The following TYW3 variants were observed in gnomAD, a reference collection of about 807,000 sequenced individuals.
TYW3 encodes tRNA wybutosine-synthesizing protein 3 homolog.
Under a neutral mutation model 23.1 loss-of-function variants are expected in TYW3, and 26 were observed. The observed-to-expected ratio is 1.13, with a 90% CI of 0.83 to 1.56. TYW3 has a LOEUF of 1.56. Among genes scored for constraint, TYW3 ranks in the 40% most tolerant of loss-of-function variants. TYW3 has a pLI of 0.00. For missense variants in TYW3, 316 were observed against 311.9 expected, an observed-to-expected ratio of 1.01 and a Z score of -0.10; for synonymous variants, 102 against 105.7, an observed-to-expected ratio of 0.97 and a Z score of 0.21.
chr1:74,758,694 A>T (rs1413611088), intron 5 of TYW3, among the ~76,000 whole-genome samples: 15 of 149,624 alleles, frequency 1.0e-4, no homozygotes, highest in Admixed American at 9.9e-4. Flanking sequence ...AGCCATTTTC[A>T]TGGTTCTGAT....
At chr1:74,741,597 T>G (rs1467805249) in intron 3 of TYW3, among the ~76,000 whole-genome samples, 1 of 152,218 alleles carries the variant, frequency 6.6e-6, no homozygotes, top group African/African-American at 2.4e-5. Context: ...TCTGTTCCCT[T>G]TTCTCTGTGA....
intron 5 of TYW3, among the ~76,000 whole-genome samples, chr1:74,756,669 G>C (rs1648966371): frequency 2.0e-5 from 3 of 152,174 alleles, no homozygotes; most frequent in Non-Finnish European, 4.4e-5. Context: ...TGATAGAAAA[G>C]AAAATTCCAT....
At chr1:74,748,622 C>A in intron 3 of TYW3, 129 bp from the exon 4 acceptor site, 1 of 811,320 alleles carries the variant, frequency 1.2e-6, no homozygotes, top group Non-Finnish European at 2.0e-6. Context: ...TCCGTATTGG[C>A]TAGACGAAAA....
chr1:74,749,890 A>G (rs1648717383), intron 4 of TYW3, among the ~76,000 whole-genome samples: 1 of 152,236 alleles, frequency 6.6e-6, no homozygotes, highest in Non-Finnish European at 1.5e-5. Context: ...CAGGAGGTGG[A>G]AGTTGCAGTT....
chr1:74,735,657 G>T (rs1437615406), intron 1 of TYW3, among the ~76,000 whole-genome samples: 3 of 152,204 alleles, frequency 2.0e-5, no homozygotes, highest in African/African-American at 7.2e-5. Context: ...ATCCTGTAAA[G>T]TTGCTAGAAG....
At chr1:74,763,616 G>A (rs950279015) in intron 5 of TYW3, among the ~76,000 whole-genome samples, 1 of 151,886 alleles carries the variant, frequency 6.6e-6, no homozygotes, top group Non-Finnish European at 1.5e-5. Flanking sequence ...AATAATAATT[G>A]CATTCTTTTT....
Position 74,763,922 on chromosome 1 carries a change from GAAAGGGAA to G in TYW3, c.591_598del (p.Glu197AspfsTer4), listed in dbSNP as rs1649211987. 1 of 1,603,732 alleles carries G rather than the reference GAAAGGGAA, an allele frequency of 6.2e-7. No homozygotes were observed. The highest frequency in any genetic ancestry group is 1.7e-5 in the Admixed American group (1 of 57,896). On this transcript the variant is annotated frameshift_variant, in exon 6 of 6. Transcript: ENST00000370867. LOFTEE classifies it low-confidence loss of function (END_TRUNC). Reference sequence around the variant, plus strand: ...TTACAACTGCCTACAGCATGCTTTGGAAAGGGAAACGATGACTAACTTACATCCCAAGA... The same window carrying G: ...TTACAACTGCCTACAGCATGCTTTGGACGATGACTAACTTACATCCCAAGA...
At chr1:74,751,935 T>G (rs375554712) in intron 4 of TYW3, among the ~76,000 whole-genome samples, 29 of 152,232 alleles carry the variant, frequency 1.9e-4, no homozygotes, top group African/African-American at 5.8e-4. Context: ...TCTTTTTTAT[T>G]TTCCCTTGAG....
chr1:74,762,211 G>A (rs1174195679), intron 5 of TYW3, among the ~76,000 whole-genome samples: 1 of 152,092 alleles, frequency 6.6e-6, no homozygotes, highest in Non-Finnish European at 1.5e-5. Flanking sequence ...ATGTATTAGA[G>A]TTAGGTGACA....
rs1041538974 is a variant in TYW3 at position 74,766,024 on chromosome 1, A to G, written c.*1911A>G. 9 of 152,110 alleles carry G rather than the reference A, an allele frequency of 5.9e-5. No homozygotes were observed. Among genetic ancestry groups the G allele is most frequent in the African/African-American group, 2.2e-4 (9 of 41,428 alleles). The allele number at this position is 152,110 out of a possible 1,614,324, so 9.4% of individuals were successfully genotyped here. A position where few individuals can be genotyped will look rare whatever the true frequency, so the allele number is the denominator to read the frequency against. On this transcript the variant is annotated 3_prime_UTR_variant, in exon 6 of 6. Coordinates refer to ENST00000370867, the MANE Select transcript of TYW3 (RefSeq NM_138467.3). ...ATAACATTTTAATCATCAATGATGG[A>G]CCATATACCATATACGATATGGTGG...
chr1:74,743,089 C>T (rs1199558178), intron 3 of TYW3, among the ~76,000 whole-genome samples: 1 of 152,172 alleles, frequency 6.6e-6, no homozygotes, highest in Non-Finnish European at 1.5e-5. Flanking sequence ...CGTTTGTTCT[C>T]TGGGGCAGTG....
chr1:74,754,238 C>T (rs1648879237), intron 5 of TYW3, among the ~76,000 whole-genome samples: 1 of 152,164 alleles, frequency 6.6e-6, no homozygotes, highest in Non-Finnish European at 1.5e-5. Context: ...ACTAACTGTA[C>T]ACCTGGTGAA....
chr1:74,756,963 AGGG>A (rs1648974244), intron 5 of TYW3, among the ~76,000 whole-genome samples: 1 of 152,242 alleles, frequency 6.6e-6, no homozygotes, highest in Non-Finnish European at 1.5e-5. Flanking sequence ...GTGGCTTCAG[AGGG>A]TGCAAGCCCC....
chr1:74,746,982 A>G (rs1203706288), intron 3 of TYW3, among the ~76,000 whole-genome samples: 1 of 152,254 alleles, frequency 6.6e-6, no homozygotes, highest in Non-Finnish European at 1.5e-5. Context: ...TGGAGTATTC[A>G]AAGAACAGAA....
intron 3 of TYW3, among the ~76,000 whole-genome samples, chr1:74,744,600 T>G (rs1648489918): frequency 1.3e-5 from 2 of 152,114 alleles, no homozygotes; most frequent in Non-Finnish European, 2.9e-5. Context: ...GATTGTCCCA[T>G]CTGGGTCGCC....
intron 4 of TYW3, 109 bp from the exon 5 acceptor site, chr1:74,752,183 T>C (rs1258939408): frequency 7.9e-5 from 89 of 1,119,666 alleles, no homozygotes; most frequent in Non-Finnish European, 9.9e-5. Context: ...TTAACTGTTG[T>C]AATGGAACTA....
chr1:74,739,403 C>T (rs1358298940), intron 3 of TYW3, among the ~76,000 whole-genome samples: 7 of 152,076 alleles, frequency 4.6e-5, no homozygotes, highest in Middle Eastern at 3.2e-3. Context: ...AAATGTTCTA[C>T]CGAAGGAAAA....
intron 5 of TYW3, among the ~76,000 whole-genome samples, 162 bp from the exon 6 acceptor site, chr1:74,763,732 A>G (rs1177281975): frequency 6.6e-6 from 1 of 152,126 alleles, no homozygotes; most frequent in Non-Finnish European, 1.5e-5. Context: ...AAAGAACTGA[A>G]ATGCATTTAT....
In TYW3 at chr1:74,733,224, C is replaced by G; in HGVS notation, c.-21C>G. On this transcript the variant is annotated 5_prime_UTR_variant, in exon 1 of 6. Transcript: ENST00000370867. ...GAGGCTACCATGAAGGAGCCGAGCG[C>G]AGACCCTGAGTCCGTCACCCATGGA... is the stretch of plus-strand genomic sequence containing the variant. 2 of 1,612,526 alleles carry G rather than the reference C, an allele frequency of 1.2e-6. No individual in the cohort carries two copies. Among genetic ancestry groups the G allele is most frequent in the South Asian group, 1.1e-5 (1 of 90,730 alleles).
Sources: allele counts gnomAD v4.1 joint callset (sites outside exome capture counted in the v4.1 genomes callset), GRCh38; gene constraint gnomAD v4.1.1; transcripts MANE v1.5; gene names NCBI Gene and HGNC (gene_info 2026-07-23, HGNC 2026-07-21).